Variants in ROBO2 observed in about 807,000 individuals in gnomAD.
ROBO2 encodes roundabout guidance receptor 2, also known as roundabout homolog 2.
ROBO2 carries 53 observed loss-of-function variants against 160.8 expected under a neutral mutation model. The ratio of observed to expected loss-of-function variants is 0.33; its 90% CI spans 0.26 to 0.41. The LOEUF (loss-of-function observed/expected upper bound fraction) is 0.41, where lower values mean the gene tolerates loss of function less well. ROBO2 is among the 10% of genes least tolerant of loss of function. ROBO2 has a pLI of 1.00. For missense variants in ROBO2, 1,577 were observed against 1,722.4 expected, an observed-to-expected ratio of 0.92 and a Z score of 1.49; for synonymous variants, 664 against 611.7, an observed-to-expected ratio of 1.09 and a Z score of -1.26.
intron 4 of ROBO2, among the ~76,000 whole-genome samples, chr3:77,492,024 T>C (rs1455888472): frequency 6.6e-6 from 1 of 152,244 alleles, no homozygotes; most frequent in African/African-American, 2.4e-5. Context: ...AAGTAATTTA[T>C]TTTCTTTGAA....
intron 2 of ROBO2, among the ~76,000 whole-genome samples, chr3:77,200,264 ATT>A (rs1389920672): frequency 0.012 from 801 of 65,270 alleles, 29 homozygotes; most frequent in East Asian, 0.033. Context: ...TAACTAACAT[ATT>A]TTATATATAT....
chr3:76,965,657 A>G lies in ROBO2; in HGVS notation c.110-132357A>G, dbSNP rs540238372. ...CTTCTCTGTCTTCTAGTTCTCATAT[A>G]TCTATCAAAGGTAAAAAAAAAAAAA... is the stretch of plus-strand genomic sequence containing the variant. On this transcript the variant is annotated intron_variant, in intron 2 of 26. Coordinates refer to the ROBO2 transcript ENST00000487694. Among the ~76,000 whole-genome samples, 34 of 147,766 alleles carry G rather than the reference A, an allele frequency of 2.3e-4. No individual in the cohort carries two copies. The South Asian group carries it at 7.0e-3, about 30-fold the overall frequency.
chr3:76,435,770 C>G (rs2076646542), intron 2 of ROBO2, among the ~76,000 whole-genome samples: 1 of 152,152 alleles, frequency 6.6e-6, no homozygotes, highest in African/African-American at 2.4e-5. Context: ...GGAAAGAAAA[C>G]AGTCCCAGGA....
chr3:77,393,438 A>T (rs963109360), intron 2 of ROBO2, among the ~76,000 whole-genome samples: 48 of 152,086 alleles, frequency 3.2e-4, no homozygotes, highest in African/African-American at 1.2e-3. Context: ...TGTATATGCT[A>T]AAATGTTGTT....
chr3:77,423,199 T>G (rs1416749287), intron 2 of ROBO2, among the ~76,000 whole-genome samples: 1 of 152,200 alleles, frequency 6.6e-6, no homozygotes, highest in South Asian at 2.1e-4. Context: ...TCTTTAATCT[T>G]ACCGTTTAGT....
Position 76,016,359 on chromosome 3 carries a change from TAATG to T in ROBO2, c.109+78761_109+78764del, listed in dbSNP as rs578103175. ...GATATTTAAAGTCTTTATACTAAAA[TAATG>T]AATCTATTCATGAACAATACAAGAA... On this transcript the variant is annotated intron_variant, in intron 2 of 26. Coordinates refer to the ROBO2 transcript ENST00000487694. 1.9e-3 allele frequency among the ~76,000 whole-genome samples: 296 copies of T among 152,048 alleles called. 2 individuals carry two copies. Among genetic ancestry groups the T allele is most frequent in the African/African-American group, 4.1e-3 (169 of 41,488 alleles).
intron 2 of ROBO2, among the ~76,000 whole-genome samples, chr3:76,395,005 C>T (rs992640726): frequency 6.6e-6 from 1 of 152,164 alleles, no homozygotes; most frequent in Non-Finnish European, 1.5e-5. Context: ...CTCTCCACCC[C>T]AAATCAACAG....
intron 2 of ROBO2, among the ~76,000 whole-genome samples, chr3:77,378,097 A>T (rs2072933176): frequency 6.6e-6 from 1 of 152,212 alleles, no homozygotes; most frequent in African/African-American, 2.4e-5. Context: ...CTTTAGAAAG[A>T]TTAATATGTT....
At chr3:75,954,023 A>T (rs1200917950) in intron 2 of ROBO2, among the ~76,000 whole-genome samples, 1 of 151,710 alleles carries the variant, frequency 6.6e-6, no homozygotes, top group Non-Finnish European at 1.5e-5. Context: ...GTCTCTATAG[A>T]TGTATTAATA....
chr3:76,703,527 C>T (rs375816320), intron 2 of ROBO2, among the ~76,000 whole-genome samples: 13 of 151,928 alleles, frequency 8.6e-5, no homozygotes, highest in African/African-American at 2.2e-4. Flanking sequence ...CCCCCACCCC[C>T]GACAGGCTCC....
At position 76,049,383 on chromosome 3, in the gene ROBO2, G is replaced by GTGTGTGTATATATATATATA. The variant is rs1440395230; in HGVS notation, c.109+111782_109+111783insGTGTGTATATATATATATAT. Reference sequence around the variant, plus strand: ...ATGCCACCACCCCTGGCTAATTTTAGTATATATATATATATATATATTTTT... The same window carrying GTGTGTGTATATATATATATA: ...ATGCCACCACCCCTGGCTAATTTTAGTGTGTGTATATATATATATATATATATATATATATATATATTTTT... On this transcript the variant is annotated intron_variant, in intron 2 of 26. Transcript: ENST00000487694. Among the ~76,000 whole-genome samples the GTGTGTGTATATATATATATA allele has an allele frequency of 4.1e-3, 149 of 36,782 alleles. 12 individuals carry two copies. Among genetic ancestry groups the GTGTGTGTATATATATATATA allele is most frequent in the Middle Eastern group, 0.042 (2 of 48 alleles). 24.1% of individuals were successfully genotyped at this position (36,782 alleles called of 152,430 possible).
chr3:76,358,653 A>C (rs2075316675), intron 2 of ROBO2, among the ~76,000 whole-genome samples: 3 of 152,024 alleles, frequency 2.0e-5, no homozygotes, highest in Admixed American at 2.0e-4. Flanking sequence ...ATTGACAACG[A>C]GTAATTACAT....
intron 2 of ROBO2, among the ~76,000 whole-genome samples, chr3:76,152,759 CT>C (rs981569404): frequency 6.6e-6 from 1 of 152,016 alleles, no homozygotes; most frequent in African/African-American, 2.4e-5. Context: ...AGGGAACTAA[CT>C]TCTCTTATAT....
At chr3:76,994,724 A>AATT (rs1344302063) in intron 2 of ROBO2, among the ~76,000 whole-genome samples, 1 of 152,158 alleles carries the variant, frequency 6.6e-6, no homozygotes, top group Non-Finnish European at 1.5e-5. Flanking sequence ...AGTTTTGTGA[A>AATT]ATTATATCTT....
chr3:77,298,728 T>C (rs2062376744), intron 2 of ROBO2, among the ~76,000 whole-genome samples: 1 of 152,208 alleles, frequency 6.6e-6, no homozygotes, highest in Non-Finnish European at 1.5e-5. Flanking sequence ...GTTTAAATTA[T>C]TCTCTGTTAC....
chr3:77,435,693 A>C (rs543442594), intron 2 of ROBO2, among the ~76,000 whole-genome samples: 6 of 151,974 alleles, frequency 3.9e-5, no homozygotes, highest in African/African-American at 1.4e-4. Context: ...TATTGATTCC[A>C]TCTGACAATG....
Position 77,466,489 on chromosome 3 carries a change from A to C in ROBO2, c.389-10925A>C, listed in dbSNP as rs190171390. On this transcript the variant is annotated intron_variant, in intron 2 of 25. Coordinates refer to ENST00000461745, the Ensembl canonical transcript of ROBO2. ...ATGGATGATGATGTGATTCATGTGAACCCCCTATCTAGGACCTCCAATGGT... is the reference window on the plus strand; with the variant it reads ...ATGGATGATGATGTGATTCATGTGACCCCCCTATCTAGGACCTCCAATGGT... 2.8e-3 allele frequency among the ~76,000 whole-genome samples: 423 copies of C among 152,160 alleles called. 1 individual carries two copies. Among genetic ancestry groups the C allele is most frequent in the African/African-American group, 9.8e-3 (407 of 41,518 alleles).
chr3:76,678,900 T>C (rs1271694634), intron 2 of ROBO2, among the ~76,000 whole-genome samples: 1 of 152,208 alleles, frequency 6.6e-6, no homozygotes, highest in Non-Finnish European at 1.5e-5. Flanking sequence ...CCTTAAAATA[T>C]AGAAATATAG....
chr3:77,599,486 G>A (rs1559697965), intron 19 of ROBO2, among the ~76,000 whole-genome samples: 1 of 139,728 alleles, frequency 7.2e-6, no homozygotes, highest in South Asian at 2.4e-4. Context: ...ATCACACACC[G>A]GGGCCTGTTG....
Sources: allele counts gnomAD v4.1 joint callset (sites outside exome capture counted in the v4.1 genomes callset), GRCh38; gene constraint gnomAD v4.1.1; transcripts MANE v1.5; gene names NCBI Gene and HGNC (gene_info 2026-07-23, HGNC 2026-07-21).